CDK14: variants seen among roughly 807,000 people sequenced by gnomAD.
CDK14 encodes the protein cyclin-dependent kinase 14.
CDK14 carries 34 observed loss-of-function variants against 60.7 expected under a neutral mutation model. The ratio of observed to expected loss-of-function variants is 0.56; its 90% CI spans 0.43 to 0.75. CDK14 has a LOEUF of 0.75. Ranked by LOEUF, CDK14 falls within the 30% of genes least tolerant of loss-of-function variation. CDK14 has a pLI of 0.00. For synonymous variants in CDK14, 197 were observed against 203.7 expected, an observed-to-expected ratio of 0.97 and a Z score of 0.28; for missense variants, 482 against 564.1, an observed-to-expected ratio of 0.85 and a Z score of 1.47.
At chr7:91,113,221 G>A (rs1799519982) in intron 13 of CDK14, among the ~76,000 whole-genome samples, 1 of 152,226 alleles carries the variant, frequency 6.6e-6, no homozygotes, top group Non-Finnish European at 1.5e-5. Context: ...AGCGAGCTGA[G>A]GAGCAGAGTT....
chr7:91,112,840 TG>T (rs1342429693), intron 13 of CDK14, among the ~76,000 whole-genome samples, 159 bp downstream of exon 13: 3 of 149,326 alleles, frequency 2.0e-5, no homozygotes, highest in African/African-American at 7.3e-5. Context: ...TGTGTGTGTG[TG>T]TGTGTATGTG....
intron 1 of CDK14, among the ~76,000 whole-genome samples, chr7:90,603,066 T>TAAC: frequency 9.6e-6 from 1 of 104,220 alleles, no homozygotes; most frequent in Non-Finnish European, 2.1e-5. Context: ...AGCTTTCCAA[T>TAAC]AGCTACCCAA....
At chr7:90,600,716 A>G (rs1025601130) in intron 1 of CDK14, among the ~76,000 whole-genome samples, 1 of 152,234 alleles carries the variant, frequency 6.6e-6, no homozygotes, top group African/African-American at 2.4e-5. Flanking sequence ...ATTTTCCCCA[A>G]TGCAACTTCA....
chr7:91,009,532 G>A (rs1272348840), intron 10 of CDK14, among the ~76,000 whole-genome samples: 1 of 152,042 alleles, frequency 6.6e-6, no homozygotes, highest in East Asian at 1.9e-4. Flanking sequence ...AATTTTAGAC[G>A]TTTTAATAGG....
intron 2 of CDK14, among the ~76,000 whole-genome samples, chr7:90,699,393 C>A (rs903621082): frequency 6.6e-6 from 1 of 152,186 alleles, no homozygotes; most frequent in Admixed American, 6.5e-5. Context: ...GAACACTATT[C>A]TAAGTAGTTT....
intron 7 of CDK14, among the ~76,000 whole-genome samples, chr7:90,902,685 T>C (rs886267294): frequency 6.6e-6 from 1 of 152,102 alleles, no homozygotes; most frequent in Non-Finnish European, 1.5e-5. Flanking sequence ...CTTCAGGGCT[T>C]CGGTCTAGGA....
chr7:91,046,264 AAAT>A (rs1231260037), intron 11 of CDK14, among the ~76,000 whole-genome samples: 1 of 152,206 alleles, frequency 6.6e-6, no homozygotes, highest in Non-Finnish European at 1.5e-5. Context: ...AACAAAATTT[AAAT>A]TGGGTTGCTG....
rs1442347546 is a variant in CDK14, at chr7:91,204,097, C to T, written c.*29-3068C>T. On this transcript the variant is annotated intron_variant, in intron 14 of 14. Transcript: ENST00000380050. ...CAAGTGAGCCTTATGGAGAACTGCC[C>T]ACAAGCAGCAAGGATTTGAGATAAT... is the stretch of plus-strand genomic sequence containing the variant. Among the ~76,000 whole-genome samples the T allele has an allele frequency of 2.0e-5, 3 of 152,020 alleles. No homozygotes were observed. The East Asian group carries it at 5.8e-4, about 29-fold the overall frequency.
At chr7:90,944,553 C>T (rs1794041237) in intron 8 of CDK14, among the ~76,000 whole-genome samples, 1 of 151,992 alleles carries the variant, frequency 6.6e-6, no homozygotes, top group African/African-American at 2.4e-5. Context: ...TGCAACATGG[C>T]AAGATTCTGT....
At chr7:90,697,591 A>G (rs556795721) in intron 2 of CDK14, among the ~76,000 whole-genome samples, 41 of 152,342 alleles carry the variant, frequency 2.7e-4, no homozygotes, top group African/African-American at 9.4e-4. Context: ...TTTGAATTAT[A>G]TGGAGCTGAA....
intron 2 of CDK14, among the ~76,000 whole-genome samples, chr7:90,686,238 C>T (rs1801432321): frequency 6.6e-6 from 1 of 151,772 alleles, no homozygotes; most frequent in Non-Finnish European, 1.5e-5. Context: ...CTTTTGTTTC[C>T]AGTAGTTTTT....
intron 14 of CDK14, among the ~76,000 whole-genome samples, chr7:91,134,530 CTT>C (rs982297741): frequency 6.6e-6 from 1 of 152,058 alleles, no homozygotes; most frequent in African/African-American, 2.4e-5. Context: ...TGTTTGTACT[CTT>C]TGTAGTGCAG....
chr7:91,049,246 GA>G (rs1342514789), intron 11 of CDK14, among the ~76,000 whole-genome samples: 1 of 152,072 alleles, frequency 6.6e-6, no homozygotes, highest in African/African-American at 2.4e-5. Flanking sequence ...TTTGAGATTT[GA>G]AAAATGATCC....
At chr7:90,923,151 C>G (rs1271301511) in intron 8 of CDK14, among the ~76,000 whole-genome samples, 2 of 149,610 alleles carry the variant, frequency 1.3e-5, no homozygotes, top group South Asian at 2.2e-4. Flanking sequence ...CTCTGTCACC[C>G]AGGCTGGAGT....
intron 10 of CDK14, among the ~76,000 whole-genome samples, chr7:91,007,368 C>T (rs1796008547): frequency 6.6e-6 from 1 of 152,222 alleles, no homozygotes; most frequent in Non-Finnish European, 1.5e-5. Flanking sequence ...TCAGACCAGA[C>T]TTTCCTGGGA....
chr7:91,061,719 T>C (rs529698716), intron 11 of CDK14, among the ~76,000 whole-genome samples: 89 of 152,292 alleles, frequency 5.8e-4, no homozygotes, highest in African/African-American at 2.1e-3. Context: ...ACAGCGGATA[T>C]TGGTGAATAG....
chr7:90,908,546 C>T (rs1792786893), intron 7 of CDK14, among the ~76,000 whole-genome samples: 1 of 152,158 alleles, frequency 6.6e-6, no homozygotes, highest in African/African-American at 2.4e-5. Context: ...CCCTCCTGGG[C>T]TTTACACTCG....
intron 7 of CDK14, among the ~76,000 whole-genome samples, chr7:90,911,959 C>T (rs1054274050): frequency 6.6e-6 from 1 of 152,130 alleles, no homozygotes; most frequent in African/African-American, 2.4e-5. Flanking sequence ...CTGGGGATGC[C>T]AAGACAACTG....
intron 14 of CDK14, among the ~76,000 whole-genome samples, chr7:91,157,732 A>G (rs1014507565): frequency 5.3e-5 from 8 of 152,166 alleles, no homozygotes; most frequent in Non-Finnish European, 1.2e-4. Flanking sequence ...CTCTTAGACT[A>G]GCTCCTGCAT....
Sources: allele counts gnomAD v4.1 joint callset (sites outside exome capture counted in the v4.1 genomes callset), GRCh38; gene constraint gnomAD v4.1.1; transcripts MANE v1.5; gene names NCBI Gene and HGNC (gene_info 2026-07-23, HGNC 2026-07-21).